The following CACNA2D3 variants were observed in gnomAD, a reference collection of about 807,000 sequenced individuals.
CACNA2D3 encodes voltage-dependent calcium channel subunit alpha-2/delta-3.
Under a neutral mutation model 160.6 loss-of-function variants are expected in CACNA2D3, and 60 were observed. The ratio of observed to expected loss-of-function variants is 0.37; its 90% CI spans 0.30 to 0.46. CACNA2D3 has a LOEUF of 0.46. Ranked by LOEUF, CACNA2D3 falls within the 20% of genes least tolerant of loss-of-function variation. The probability of loss-of-function intolerance (pLI) is 1.00; values close to 1 mark genes in which losing one functional copy is unlikely to be tolerated. For synonymous variants in CACNA2D3, 558 were observed against 492.9 expected (o/e 1.13, Z -1.75); for missense variants, 1,205 against 1,365.0 (o/e 0.88, Z 1.85).
chr3:55,051,326 G>A (rs1465239815), intron 35 of CACNA2D3, among the ~76,000 whole-genome samples: 34 of 152,076 alleles, frequency 2.2e-4, no homozygotes, highest in African/African-American at 6.5e-4. Context: ...TCTAACAGAG[G>A]GGACCCTCAG....
At chr3:55,014,988 T>G (rs570182190) in intron 34 of CACNA2D3, among the ~76,000 whole-genome samples, 1 of 152,202 alleles carries the variant, frequency 6.6e-6, no homozygotes, top group Non-Finnish European at 1.5e-5. Context: ...CAACGGTTTA[T>G]CACTATATCA....
At chr3:54,530,436 C>G (rs75169311) in intron 5 of CACNA2D3, among the ~76,000 whole-genome samples, 2 of 152,096 alleles carry the variant, frequency 1.3e-5, no homozygotes, top group Non-Finnish European at 2.9e-5. Context: ...TTTCCCACTC[C>G]GAAGGGCAGT....
chr3:54,296,762 G>A (rs1559913326), intron 2 of CACNA2D3, among the ~76,000 whole-genome samples: 1 of 152,146 alleles, frequency 6.6e-6, no homozygotes, highest in Non-Finnish European at 1.5e-5. Flanking sequence ...CATCTCTCTT[G>A]TTTTTAGCTA....
At chr3:54,339,393 C>T (rs1341998108) in intron 3 of CACNA2D3, among the ~76,000 whole-genome samples, 1 of 152,228 alleles carries the variant, frequency 6.6e-6, no homozygotes, top group Non-Finnish European at 1.5e-5. Flanking sequence ...CAAATACCCC[C>T]TTCACCCCTA....
chr3:54,486,855 A>G (rs1352655980), intron 4 of CACNA2D3, among the ~76,000 whole-genome samples: 1 of 152,118 alleles, frequency 6.6e-6, no homozygotes, highest in Admixed American at 6.5e-5. Flanking sequence ...TGGGGTTTCT[A>G]GTTCTGAAAC....
At chr3:54,577,205 G>C (rs985409356) in intron 8 of CACNA2D3, among the ~76,000 whole-genome samples, 6 of 152,210 alleles carry the variant, frequency 3.9e-5, no homozygotes, top group African/African-American at 1.4e-4. Context: ...CCAGCACACA[G>C]TAGGTGCTTA....
intron 4 of CACNA2D3, among the ~76,000 whole-genome samples, chr3:54,476,260 G>GTATATA (rs557345197): frequency 6.7e-6 from 1 of 148,210 alleles, no homozygotes; most frequent in African/African-American, 2.5e-5. Context: ...GTGTGTGTGT[G>GTATATA]TATATATATA....
chr3:54,854,644 G>A (rs1377761849), intron 17 of CACNA2D3, among the ~76,000 whole-genome samples: 1 of 152,170 alleles, frequency 6.6e-6, no homozygotes, highest in Non-Finnish European at 1.5e-5. Context: ...CAGGCCTTGT[G>A]CTGAGAGCCC....
Position 55,004,835 on chromosome 3 carries a change from G to C in CACNA2D3, c.2763G>C (p.Leu921=), listed in dbSNP as rs1703056588. ...KESSDGAHGL[L]DPYNAFLSAV... ...GCAGCGATGGCGCCCATGGCCTCCT[G>C]GATGTAAGTACTATGCTGTCACTCA... The change falls in exon 32 of 38, where the codon CTG becomes CTC. Residue 921 remains leucine (L), a synonymous_variant. Transcript: ENST00000474759. 6.2e-7 allele frequency: 1 copy of C among 1,610,806 alleles called. No individual in the cohort carries two copies. The highest frequency in any genetic ancestry group is 1.1e-5 in the South Asian group (1 of 90,980).
chr3:54,771,927 A>G (rs1284980765), intron 13 of CACNA2D3, among the ~76,000 whole-genome samples: 1 of 152,048 alleles, frequency 6.6e-6, no homozygotes, highest in Non-Finnish European at 1.5e-5. Flanking sequence ...AAATGCAACC[A>G]TATCTCCTGC....
At chr3:54,592,307 G>A (rs1037746407) in intron 9 of CACNA2D3, among the ~76,000 whole-genome samples, 2 of 152,152 alleles carry the variant, frequency 1.3e-5, no homozygotes, top group African/African-American at 4.8e-5. Context: ...ATAGATTTTC[G>A]AGATTTTGCT....
intron 5 of CACNA2D3, among the ~76,000 whole-genome samples, chr3:54,525,276 A>G (rs1334322863): frequency 2.0e-5 from 3 of 152,126 alleles, no homozygotes; most frequent in African/African-American, 4.8e-5. Context: ...TGGCAAATAT[A>G]TTACCTCTCT....
At chr3:54,816,353 G>A (rs959435344) in intron 13 of CACNA2D3, among the ~76,000 whole-genome samples, 23 of 152,104 alleles carry the variant, frequency 1.5e-4, no homozygotes, top group African/African-American at 4.3e-4. Context: ...TTTTTGTGGG[G>A]GACTGTCCTG....
At chr3:54,666,988 G>T (rs991140114) in intron 11 of CACNA2D3, among the ~76,000 whole-genome samples, 1 of 152,146 alleles carries the variant, frequency 6.6e-6, no homozygotes, top group Admixed American at 6.5e-5. Flanking sequence ...TCTAGCGGTC[G>T]ATTTTCCTCC....
chr3:55,004,530 C>G (rs999504282), intron 31 of CACNA2D3, among the ~76,000 whole-genome samples: 1 of 152,248 alleles, frequency 6.6e-6, no homozygotes, highest in East Asian at 1.9e-4. Flanking sequence ...TCATCCCCCT[C>G]TACCCTTTCC....
chr3:54,445,588 A>ACACACACT (rs887967244), intron 4 of CACNA2D3, among the ~76,000 whole-genome samples: 8 of 150,550 alleles, frequency 5.3e-5, no homozygotes, highest in East Asian at 2.0e-4. Flanking sequence ...ACACACACAC[A>ACACACACT]CTCATGTGAA....
At chr3:54,347,840 C>T (rs1402979073) in intron 3 of CACNA2D3, among the ~76,000 whole-genome samples, 1 of 152,092 alleles carries the variant, frequency 6.6e-6, no homozygotes, top group African/African-American at 2.4e-5. Context: ...CAATTTCCTT[C>T]CACTTGCTGA....
At chr3:54,941,106 C>T (rs1701455314) in intron 27 of CACNA2D3, among the ~76,000 whole-genome samples, 3 of 152,074 alleles carry the variant, frequency 2.0e-5, no homozygotes, top group South Asian at 2.1e-4. Flanking sequence ...CGAGTAATGC[C>T]GTGAATGTTT....
chr3:54,864,549 T>G (rs1342269062), intron 17 of CACNA2D3, among the ~76,000 whole-genome samples: 1 of 152,176 alleles, frequency 6.6e-6, no homozygotes, highest in Non-Finnish European at 1.5e-5. Context: ...CGCGAGCCAC[T>G]GTGCCTGGCT....
Sources: gnomAD v4.1 joint callset for allele counts (sites outside exome capture counted in the v4.1 genomes callset) on GRCh38, gnomAD v4.1.1 for gene constraint, MANE v1.5 for transcripts, NCBI Gene and HGNC (gene_info 2026-07-23, HGNC 2026-07-21) for gene names.